Variants in RPA3 observed in about 807,000 individuals in gnomAD.
RPA3 encodes replication protein A3.
Under a neutral mutation model 13.7 loss-of-function variants are expected in RPA3, and 24 were observed. The observed-to-expected ratio is 1.75, with a 90% CI of 1.27 to 2.46. The LOEUF (loss-of-function observed/expected upper bound fraction) is 2.46, where lower values mean the gene tolerates loss of function less well. RPA3 is among the 30% of genes most tolerant of loss of function. The probability of loss-of-function intolerance (pLI) is 0.00; values close to 1 mark genes in which losing one functional copy is unlikely to be tolerated. For synonymous variants in RPA3, 59 were observed against 51.2 expected, an observed-to-expected ratio of 1.15 and a Z score of -0.65; for missense variants, 183 against 151.0, an observed-to-expected ratio of 1.21 and a Z score of -1.11.
At chr7:7,709,198 G>A (rs1036307408) in intron 2 of RPA3, among the ~76,000 whole-genome samples, 1 of 152,154 alleles carries the variant, frequency 6.6e-6, no homozygotes, top group African/African-American at 2.4e-5. Flanking sequence ...TTTCCTATCT[G>A]TGTGCTGAGA....
At chr7:7,709,195 T>C (rs940959824) in intron 2 of RPA3, among the ~76,000 whole-genome samples, 8 of 152,214 alleles carry the variant, frequency 5.3e-5, no homozygotes, top group African/African-American at 1.9e-4. Context: ...TGTTTTCCTA[T>C]CTGTGTGCTG....
intron 4 of RPA3, among the ~76,000 whole-genome samples, chr7:7,685,587 C>T (rs1276431326): frequency 1.3e-5 from 2 of 152,110 alleles, no homozygotes; most frequent in Admixed American, 6.5e-5. Flanking sequence ...GGATTATAGG[C>T]GTGAGCCACC....
chr7:7,658,540 A>G (rs1449169590), intron 4 of RPA3, among the ~76,000 whole-genome samples: 1 of 152,122 alleles, frequency 6.6e-6, no homozygotes, highest in Non-Finnish European at 1.5e-5. Context: ...AATTTTATCG[A>G]AGGCCTTTTC....
At chr7:7,643,669 G>A (rs916533608) in intron 4 of RPA3, among the ~76,000 whole-genome samples, 1 of 148,474 alleles carries the variant, frequency 6.7e-6, no homozygotes, top group Admixed American at 6.8e-5. Flanking sequence ...CCGAGATCGC[G>A]CCACTTCACT....
rs147480913 is a variant in RPA3, at chr7:7,706,841, A to G, written c.-1028+8334T>C. On this transcript the variant is annotated intron_variant, in intron 2 of 7. Coordinates refer to ENST00000223129, the MANE Select transcript of RPA3 (RefSeq NM_002947.5). ...ATCTGTTGGTTTTGTTATTTTTTGG[A>G]TAGAGCATCTTGACTTACTTAGATT... 2.6e-5 allele frequency among the ~76,000 whole-genome samples: 4 copies of G among 152,200 alleles called. No homozygotes were observed. In the East Asian group the frequency reaches 7.7e-4, roughly 29 times the overall value.
At chr7:7,690,697 A>G (rs1016526356) in intron 2 of RPA3, among the ~76,000 whole-genome samples, 9 of 152,198 alleles carry the variant, frequency 5.9e-5, no homozygotes, top group African/African-American at 2.2e-4. Context: ...TGTTTTTGCT[A>G]AGGAGAGAAA....
chr7:7,686,827 T>C lies in RPA3; in HGVS notation c.-927+401A>G, dbSNP rs1193546770. Among the ~76,000 whole-genome samples, 3 of 152,218 alleles carry C rather than the reference T, an allele frequency of 2.0e-5. No individual in the cohort carries two copies. The East Asian group carries it at 5.8e-4, about 29-fold the overall frequency. On this transcript the variant is annotated intron_variant, in intron 3 of 7. Coordinates refer to ENST00000223129, the MANE Select transcript of RPA3 (RefSeq NM_002947.5). ...GGCCAATGGGATATAAGAAGAAATG[T>C]TGTGTTGCAGATTCTAGGAAATCTT... is the stretch of plus-strand genomic sequence containing the variant.
intron 4 of RPA3, among the ~76,000 whole-genome samples, chr7:7,669,971 G>A (rs1451465948): frequency 2.6e-5 from 4 of 152,156 alleles, no homozygotes; most frequent in Admixed American, 6.5e-5. Flanking sequence ...ATGTTTGGAA[G>A]TGACAGATTA....
At chr7:7,653,131 T>G (rs1034373868) in intron 4 of RPA3, among the ~76,000 whole-genome samples, 1 of 152,242 alleles carries the variant, frequency 6.6e-6, no homozygotes, top group Non-Finnish European at 1.5e-5. Flanking sequence ...GTTGTCTGAA[T>G]TCTTTTGCAG....
chr7:7,672,080 T>A (rs1239810423), intron 4 of RPA3, among the ~76,000 whole-genome samples: 1 of 152,228 alleles, frequency 6.6e-6, no homozygotes, highest in Non-Finnish European at 1.5e-5. Flanking sequence ...TAATTTTCAG[T>A]TGCTAGAAGG....
intron 2 of RPA3, among the ~76,000 whole-genome samples, chr7:7,709,492 G>C (rs1780694233): frequency 1.3e-5 from 2 of 152,230 alleles, no homozygotes; most frequent in Admixed American, 1.3e-4. Context: ...AAGGAACTGT[G>C]TGGAGAGAAG....
chr7:7,667,548 A>G (rs929190878), intron 4 of RPA3, among the ~76,000 whole-genome samples: 2 of 152,188 alleles, frequency 1.3e-5, no homozygotes, highest in African/African-American at 4.8e-5. Context: ...GTTCACTGCT[A>G]CACCTACAGT....
intron 4 of RPA3, among the ~76,000 whole-genome samples, chr7:7,654,902 C>A (rs368546117): frequency 3.6e-3 from 501 of 139,208 alleles, no homozygotes; most frequent in East Asian, 4.8e-3. Context: ...GACTCTGTCT[C>A]AAAAAAAAAA....
At chr7:7,691,814 G>A (rs1464489488) in intron 2 of RPA3, among the ~76,000 whole-genome samples, 1 of 152,158 alleles carries the variant, frequency 6.6e-6, no homozygotes, top group African/African-American at 2.4e-5. Flanking sequence ...TTTCTCAGGA[G>A]GGAAAAAGGT....
At chr7:7,661,058 T>A (rs946097626) in intron 4 of RPA3, among the ~76,000 whole-genome samples, 1 of 152,156 alleles carries the variant, frequency 6.6e-6, no homozygotes, top group Non-Finnish European at 1.5e-5. Context: ...TTTATTTCAT[T>A]AAGTTGATCT....
In RPA3 at chr7:7,643,803, G is replaced by T. The variant is rs1381893384; in HGVS notation, c.-757-2628C>A. Among the ~76,000 whole-genome samples, 3 of 151,352 alleles carry T rather than the reference G, an allele frequency of 2.0e-5. No homozygotes were observed. In the East Asian group the frequency reaches 5.8e-4, roughly 29 times the overall value. ...CTCTTTAACCTTCACATTCCCGCTT[G>T]GGTCTCTAACAAGCACACCTTCCTT... On this transcript the variant is annotated intron_variant, in intron 4 of 7. Coordinates refer to ENST00000223129, the MANE Select transcript of RPA3 (RefSeq NM_002947.5).
intron 2 of RPA3, among the ~76,000 whole-genome samples, chr7:7,693,519 T>A (rs1011280748): frequency 6.6e-6 from 1 of 152,158 alleles, no homozygotes; most frequent in East Asian, 1.9e-4. Context: ...ATGTCGATAG[T>A]TCTTTTATTC....
At position 7,661,169 on chromosome 7, in the gene RPA3, C is replaced by T. The variant is rs146401558; in HGVS notation, c.-757-19994G>A. Among the ~76,000 whole-genome samples the T allele has an allele frequency of 3.0e-3, 462 of 152,258 alleles. 2 individuals carry two copies. Among genetic ancestry groups the T allele is most frequent in the Non-Finnish European group, 4.9e-3 (330 of 68,028 alleles). ...GCTGTGTTTTTCAGCTCCAGCAGGT[C>T]ATTTATGTTCTTCTCTAAACTGGTA... On this transcript the variant is annotated intron_variant, in intron 4 of 7. Transcript: ENST00000223129.
At chr7:7,659,393 C>T (rs188259266) in intron 4 of RPA3, among the ~76,000 whole-genome samples, 146 of 152,044 alleles carry the variant, frequency 9.6e-4, no homozygotes, top group African/African-American at 3.2e-3. Flanking sequence ...TTAATTATGA[C>T]GTTAGGGTGT....
Sources: allele counts gnomAD v4.1 joint callset (sites outside exome capture counted in the v4.1 genomes callset), GRCh38; gene constraint gnomAD v4.1.1; transcripts MANE v1.5; gene names NCBI Gene and HGNC (gene_info 2026-07-23, HGNC 2026-07-21).